Variants in COL4A3 observed in about 807,000 individuals in gnomAD.
COL4A3 encodes collagen type IV alpha 3 chain.
A neutral mutation model predicts 217.4 loss-of-function variants in COL4A3; 135 were observed. That is an observed-to-expected ratio of 0.62 (90% confidence interval 0.54 to 0.72). The LOEUF is 0.72. COL4A3 is among the 30% of genes least tolerant of loss of function. The pLI, the probability that COL4A3 is intolerant of heterozygous loss-of-function variation, is 0.00. For synonymous variants in COL4A3, 690 were observed against 736.3 expected (o/e 0.94, Z 1.02); for missense variants, 1,868 against 2,119.9 (o/e 0.88, Z 2.33).
In COL4A3 at chr2:227,257,583, G is replaced by A. The variant is rs1559873491; in HGVS notation, c.988-20G>A. 3 of 1,611,854 alleles carry A rather than the reference G, an allele frequency of 1.9e-6. No homozygotes were observed. Among genetic ancestry groups the A allele is most frequent in the Non-Finnish European group, 2.5e-6 (3 of 1,177,974 alleles). ...CTTTGGGTGACCATATTCACAATTT[G>A]TAAATGTCTTTCACTGTAGGGACAG... On this transcript the variant is annotated intron_variant, in intron 17 of 51. Transcript: ENST00000396578.
intron 1 of COL4A3, among the ~76,000 whole-genome samples, chr2:227,171,048 T>A (rs962954226): frequency 2.6e-5 from 4 of 152,206 alleles, no homozygotes; most frequent in Admixed American, 2.6e-4. Context: ...GGCACTAATA[T>A]GGAAAAGTGA....
intron 1 of COL4A3, among the ~76,000 whole-genome samples, chr2:227,220,168 C>G (rs1287632443): frequency 9.6e-6 from 1 of 104,456 alleles, no homozygotes; most frequent in Non-Finnish European, 1.8e-5. Flanking sequence ...GTGTGTGTTT[C>G]AGAGACAAAG....
rs1184698843 is a variant in COL4A3 at position 227,261,861 on chromosome 2, CATT to C, written c.1150+746_1150+748del. 3.3e-5 allele frequency among the ~76,000 whole-genome samples: 5 copies of C among 152,196 alleles called. No individual in the cohort carries two copies. In the East Asian group the frequency reaches 9.6e-4, roughly 29 times the overall value. Reference sequence around the variant, plus strand: ...AAGTTCTAAACTTTCGTCTCTGACTCATTAGAGTGTTTACCTTTTGAGAGAGGA... The same window carrying C: ...AAGTTCTAAACTTTCGTCTCTGACTCAGAGTGTTTACCTTTTGAGAGAGGA... On this transcript the variant is annotated intron_variant, in intron 20 of 51. Transcript: ENST00000396578.
chr2:227,203,457 A>G (rs1031525204), intron 1 of COL4A3, among the ~76,000 whole-genome samples: 1 of 50,280 alleles, frequency 2.0e-5, no homozygotes, highest in Non-Finnish European at 3.6e-5. Flanking sequence ...ATACATACAT[A>G]TATGTGTGTA....
At chr2:227,168,754 T>C (rs186579255) in intron 1 of COL4A3, among the ~76,000 whole-genome samples, 4 of 152,300 alleles carry the variant, frequency 2.6e-5, no homozygotes, top group African/African-American at 9.6e-5. Flanking sequence ...TTTAGCTCTT[T>C]TACAGTTAGA....
rs1370892657 is a variant in COL4A3, at chr2:227,294,584, A to G, written c.3418+14A>G. The G allele has an allele frequency of 1.3e-6, 2 of 1,581,114 alleles. No individual in the cohort carries two copies. The highest frequency in any genetic ancestry group is 1.7e-5 in the Admixed American group (1 of 59,924). ...GAGGCCCTCCAGGTTTCATTTTTGT[A>G]CTTTCTCTTTTTCCTTTTCATGTGG... On this transcript the variant is annotated intron_variant, in intron 39 of 51. Coordinates refer to ENST00000396578, the MANE Select transcript of COL4A3 (RefSeq NM_000091.5).
chr2:227,170,630 C>A (rs963194751), intron 1 of COL4A3, among the ~76,000 whole-genome samples: 2 of 151,992 alleles, frequency 1.3e-5, no homozygotes, highest in Non-Finnish European at 2.9e-5. Flanking sequence ...ATGGGAGCTA[C>A]AATTCAAGAT....
chr2:227,231,484 C>T (rs2068402740), intron 1 of COL4A3, among the ~76,000 whole-genome samples: 1 of 152,040 alleles, frequency 6.6e-6, no homozygotes, highest in Non-Finnish European at 1.5e-5. Flanking sequence ...GGCATCCATC[C>T]CCTCAAGCAT....
intron 18 of COL4A3, among the ~76,000 whole-genome samples, chr2:227,258,582 A>G (rs535354887): frequency 1.3e-5 from 2 of 152,328 alleles, no homozygotes; most frequent in East Asian, 3.9e-4. Context: ...GCATCCTCAC[A>G]TGGCAGAAAG....
At chr2:227,245,308 A>T (rs561779099) in intron 5 of COL4A3, among the ~76,000 whole-genome samples, 124 of 24,460 alleles carry the variant, frequency 5.1e-3, no homozygotes, top group Non-Finnish European at 9.5e-3. Context: ...AAAAATATTT[A>T]AAAAAAAACA....
intron 34 of COL4A3, among the ~76,000 whole-genome samples, chr2:227,286,808 G>A (rs1443304377): frequency 6.6e-6 from 1 of 152,268 alleles, no homozygotes; most frequent in East Asian, 1.9e-4. Context: ...GCTTTGAGAA[G>A]TGAAACTTCT....
intron 1 of COL4A3, among the ~76,000 whole-genome samples, chr2:227,229,214 G>A (rs6707096): frequency 0.32 from 48,728 of 151,962 alleles, 8,247 homozygotes; most frequent in Non-Finnish European, 0.36. Flanking sequence ...CAATTGATCC[G>A]CACTCCTGGA....
chr2:227,238,986 T>G (rs4675157), intron 2 of COL4A3, among the ~76,000 whole-genome samples: 130,554 of 152,154 alleles, frequency 0.86, 56,201 homozygotes, highest in Admixed American at 0.91. Flanking sequence ...CATTCTTTTA[T>G]TTCTCTTCTT....
intron 5 of COL4A3, 106 bp downstream of exon 5, chr2:227,245,101 C>A: frequency 1.8e-6 from 2 of 1,121,410 alleles, no homozygotes; most frequent in South Asian, 1.2e-5. Context: ...GCATTTGTTA[C>A]ATGAAGAAAA....
chr2:227,274,342 C>A (rs1335490665), intron 26 of COL4A3, among the ~76,000 whole-genome samples: 1 of 152,042 alleles, frequency 6.6e-6, no homozygotes, highest in Non-Finnish European at 1.5e-5. Context: ...CTTCCCTCAT[C>A]AGTAAAACTT....
rs542968060 is a variant in COL4A3 at position 227,188,949 on chromosome 2, G to A, written c.87+24136G>A. Among the ~76,000 whole-genome samples the A allele has an allele frequency of 4.6e-5, 7 of 152,278 alleles. No individual in the cohort carries two copies. In the East Asian group the frequency reaches 5.8e-4, roughly 13 times the overall value. ...GATGCAATGACAGAGAATGCCTGCC[G>A]AAGGAGCATATAGAAGGGTGTCAGA... On this transcript the variant is annotated intron_variant, in intron 1 of 51. Coordinates refer to ENST00000396578, the MANE Select transcript of COL4A3 (RefSeq NM_000091.5).
At chr2:227,244,058 C>T (rs1453517883) in intron 3 of COL4A3, among the ~76,000 whole-genome samples, 1 of 152,176 alleles carries the variant, frequency 6.6e-6, no homozygotes, top group Non-Finnish European at 1.5e-5. Context: ...TTCTACATTT[C>T]TGATAAGCTT....
intron 34 of COL4A3, among the ~76,000 whole-genome samples, chr2:227,285,757 G>A (rs1381304923): frequency 6.6e-6 from 1 of 152,112 alleles, no homozygotes; most frequent in African/African-American, 2.4e-5. Flanking sequence ...CATGATATGG[G>A]GCTATTTCTA....
chr2:227,172,034 C>T (rs865863227), intron 1 of COL4A3, among the ~76,000 whole-genome samples: 14 of 152,184 alleles, frequency 9.2e-5, no homozygotes, highest in African/African-American at 3.4e-4. Flanking sequence ...GAGTTGTATA[C>T]GTGTTCACTT....
Sources: allele counts gnomAD v4.1 joint callset (sites outside exome capture counted in the v4.1 genomes callset), GRCh38; gene constraint gnomAD v4.1.1; transcripts MANE v1.5; gene names NCBI Gene and HGNC (gene_info 2026-07-23, HGNC 2026-07-21).